Variants in TRPV1 observed in about 807,000 individuals in gnomAD.
TRPV1 encodes the protein OTRPC1.
A neutral mutation model predicts 82.3 loss-of-function variants in TRPV1; 82 were observed. The ratio of observed to expected loss-of-function variants is 1.00; its 90% CI spans 0.83 to 1.20. The LOEUF (loss-of-function observed/expected upper bound fraction) is 1.20. Among genes scored for constraint, TRPV1 ranks in the 50% most tolerant of loss-of-function variants. TRPV1 has a pLI of 0.00. For synonymous variants in TRPV1, 515 were observed against 467.7 expected (o/e 1.10, Z -1.30); for missense variants, 1,067 against 1,096.8 (o/e 0.97, Z 0.38).
At chr17:3,585,182 C>T (rs1237959367) in intron 9 of TRPV1, 1 of 151,366 alleles carries the variant, frequency 6.6e-6, no homozygotes, top group African/African-American at 2.4e-5. Flanking sequence ...CAGAGTTTCA[C>T]TCTTGTTGAC....
chr17:3,577,016 G>C (rs145068132), intron 13 of TRPV1, 110 bp downstream of exon 13: 4 of 1,130,368 alleles, frequency 3.5e-6, no homozygotes, highest in East Asian at 2.6e-5. Context: ...GTCACCTGCA[G>C]ACATGCACCT....
chr17:3,593,285 T>C (rs762401434), intron 2 of TRPV1, among the ~76,000 whole-genome samples: 2 of 152,058 alleles, frequency 1.3e-5, no homozygotes, highest in Non-Finnish European at 2.9e-5. Context: ...GCGTGGCTAA[T>C]GTTTGTATTT....
At chr17:3,607,237 G>A (rs949935072) in intron 2 of TRPV1, among the ~76,000 whole-genome samples, 3 of 151,886 alleles carry the variant, frequency 2.0e-5, no homozygotes, top group African/African-American at 7.3e-5. Context: ...TCAGCTACTC[G>A]GGAGGCTGAG....
intron 15 of TRPV1, among the ~76,000 whole-genome samples, 174 bp downstream of exon 15, chr17:3,571,948 T>C (rs1479046498): frequency 6.6e-6 from 1 of 151,998 alleles, no homozygotes; most frequent in African/African-American, 2.4e-5. Context: ...TCTAAGATGG[T>C]CCCCTGTGCA....
chr17:3,570,976 C>T (rs1396372335), intron 16 of TRPV1, among the ~76,000 whole-genome samples: 1 of 152,214 alleles, frequency 6.6e-6, no homozygotes, highest in African/African-American at 2.4e-5. Flanking sequence ...CTCAGCCTCC[C>T]AAAGTGCTGG....
chr17:3,566,356 T>TG lies in TRPV1; in HGVS notation c.*458dup, dbSNP rs968542326. ...AAAAATACAAAAAATTAGCCAGACA[T>TG]GGTGGCACGTGCCTGTAATCCCAGC... On this transcript the variant is annotated 3_prime_UTR_variant, in exon 17 of 17. Coordinates refer to ENST00000572705, the MANE Select transcript of TRPV1 (RefSeq NM_080704.4). 2.6e-5 allele frequency: 4 copies of TG among 152,358 alleles called. No individual in the cohort carries two copies. The highest frequency in any genetic ancestry group is 9.7e-5 in the African/African-American group (4 of 41,358). 9.4% of individuals were successfully genotyped at this position (152,358 alleles called of 1,614,324 possible). A position where few individuals can be genotyped will look rare whatever the true frequency, so the allele number is the denominator to read the frequency against.
At position 3,588,365 on chromosome 17, in the gene TRPV1, G is replaced by A. The variant is rs201268529; in HGVS notation, c.1047C>T (p.Val349=). The A allele has an allele frequency of 6.4e-7, 1 of 1,554,938 alleles. No individual in the cohort carries two copies. The highest frequency in any genetic ancestry group is 8.7e-7 in the Non-Finnish European group (1 of 1,148,950). The change falls in exon 8 of 17, where the codon GTC becomes GTT. Residue 349 remains valine, a splice_region_variant and synonymous_variant. Transcript: ENST00000572705. ...TCTCCCGCTGGAGAATATAGGCCAA[G>A]ACCTGCCCCCGGGGAGCAAGAGCCC... ...ALAAGTGKIG[V]LAYILQREIQ...
intron 16 of TRPV1, among the ~76,000 whole-genome samples, chr17:3,568,309 C>A (rs1440207592): frequency 1.5e-4 from 21 of 143,964 alleles, no homozygotes; most frequent in African/African-American, 3.6e-4. Flanking sequence ...GTGACAGAGC[C>A]AGACTCCGTC....
intron 12 of TRPV1, 71 bp from the exon 13 acceptor site, chr17:3,577,263 A>G: frequency 3.3e-6 from 5 of 1,503,300 alleles, no homozygotes; most frequent in Non-Finnish European, 4.5e-6. Flanking sequence ...GCCGGGCCGC[A>G]TCGGCCTGGG....
intron 2 of TRPV1, among the ~76,000 whole-genome samples, chr17:3,593,081 CGTGTGTGTGTGT>C (rs57419633): frequency 0.039 from 4,411 of 112,654 alleles, 85 homozygotes; most frequent in East Asian, 0.064. Flanking sequence ...AATGTTTAGG[CGTGTGTGTGTGT>C]GTGTGTGTGT....
At chr17:3,579,606 G>A (rs538025991) in intron 11 of TRPV1, among the ~76,000 whole-genome samples, 1 of 152,292 alleles carries the variant, frequency 6.6e-6, no homozygotes, top group East Asian at 1.9e-4. Flanking sequence ...CTCCCGAGTA[G>A]CTGGGATTAC....
At chr17:3,579,638 CCTAATTTTT>C (rs1377509436) in intron 11 of TRPV1, among the ~76,000 whole-genome samples, 1 of 151,908 alleles carries the variant, frequency 6.6e-6, no homozygotes, top group Non-Finnish European at 1.5e-5. Flanking sequence ...ACCATGCCTG[CCTAATTTTT>C]GTATTTTTAG....
chr17:3,600,734 G>C (rs1358240104), intron 2 of TRPV1, among the ~76,000 whole-genome samples: 5 of 152,192 alleles, frequency 3.3e-5, no homozygotes, highest in African/African-American at 7.2e-5. Context: ...TGCCTGCTCA[G>C]AGGCCTGCAG....
intron 16 of TRPV1, among the ~76,000 whole-genome samples, chr17:3,569,350 C>G (rs2074817172): frequency 6.6e-6 from 1 of 152,158 alleles, no homozygotes. Flanking sequence ...TCACTTGAAC[C>G]CAGAAGGCGG....
Position 3,566,853 on chromosome 17 carries a change from C to G in TRPV1, c.2482G>C (p.Glu828Gln). Residue 828 changes from glutamate (E) to glutamine (Q), a missense_variant, in exon 17 of 17, where the codon GAG (glutamate) becomes CAG (glutamine). Coordinates refer to ENST00000572705, the MANE Select transcript of TRPV1 (RefSeq NM_080704.4). The part of the protein sequence containing the change: ...FSGSLKPEDA[E>Q]VFKSPAASGE... ...GAAGCGGCAGGACTCTTGAAGACCT[C>G]AGCGTCCTCTGGCTTCAGAGACCCT... 6.2e-7 allele frequency: 1 copy of G among 1,614,006 alleles called. No individual in the cohort carries two copies. Among genetic ancestry groups the G allele is most frequent in the Non-Finnish European group, 8.5e-7 (1 of 1,179,888 alleles).
intron 2 of TRPV1, among the ~76,000 whole-genome samples, chr17:3,603,329 G>A (rs1396358097): frequency 2.0e-5 from 3 of 152,090 alleles, no homozygotes; most frequent in African/African-American, 4.8e-5. Context: ...AGCACAGAAC[G>A]CTGGAGCCCC....
intron 10 of TRPV1, among the ~76,000 whole-genome samples, chr17:3,580,773 T>G (rs1299051553): frequency 1.3e-5 from 2 of 152,128 alleles, no homozygotes; most frequent in Admixed American, 1.3e-4. Flanking sequence ...TCCCAGCACT[T>G]TGGGAGGCCA....
intron 2 of TRPV1, among the ~76,000 whole-genome samples, chr17:3,603,523 A>G (rs910716333): frequency 1.3e-5 from 2 of 152,130 alleles, no homozygotes; most frequent in African/African-American, 4.8e-5. Context: ...ACAAAATTAC[A>G]GCCAAGAACA....
At chr17:3,586,548 G>A (rs528055837) in intron 8 of TRPV1, among the ~76,000 whole-genome samples, 1 of 152,326 alleles carries the variant, frequency 6.6e-6, no homozygotes, top group East Asian at 1.9e-4. Context: ...GAGGCAGGTG[G>A]ATCACTTGAA....
Sources: allele counts gnomAD v4.1 joint callset (sites outside exome capture counted in the v4.1 genomes callset), GRCh38; gene constraint gnomAD v4.1.1; transcripts MANE v1.5; gene names NCBI Gene and HGNC (gene_info 2026-07-23, HGNC 2026-07-21).